PTPRN2: variants seen among roughly 807,000 people sequenced by gnomAD.
PTPRN2 encodes protein tyrosine phosphatase receptor type N2.
Under a neutral mutation model 118.8 loss-of-function variants are expected in PTPRN2, and 74 were observed. The observed-to-expected ratio is 0.62, with a 90% CI of 0.52 to 0.76. The LOEUF (loss-of-function observed/expected upper bound fraction) is 0.76. Ranked by LOEUF, PTPRN2 falls within the 30% of genes least tolerant of loss-of-function variation. The probability of loss-of-function intolerance (pLI) is 0.00; values close to 1 mark genes in which losing one functional copy is unlikely to be tolerated. For synonymous variants in PTPRN2, 641 were observed against 608.0 expected, an observed-to-expected ratio of 1.05 and a Z score of -0.80; for missense variants, 1,481 against 1,394.4, an observed-to-expected ratio of 1.06 and a Z score of -0.99.
Position 157,704,513 on chromosome 7 carries a change from G to A in PTPRN2, c.1789-21576C>T, listed in dbSNP as rs139893612. 3.7e-3 allele frequency among the ~76,000 whole-genome samples: 557 copies of A among 152,300 alleles called. 6 individuals carry two copies. Among genetic ancestry groups the A allele is most frequent in the African/African-American group, 0.013 (527 of 41,568 alleles). ...CACGTGTGTGTGCTTGGGAATGGAGGGCCTGAAGGTCCCACCCTCGGCTGG... is the reference window on the plus strand; with the variant it reads ...CACGTGTGTGTGCTTGGGAATGGAGAGCCTGAAGGTCCCACCCTCGGCTGG... On this transcript the variant is annotated intron_variant, in intron 12 of 22. Coordinates refer to ENST00000389418, the MANE Select transcript of PTPRN2 (RefSeq NM_002847.5).
intron 11 of PTPRN2, among the ~76,000 whole-genome samples, chr7:158,064,451 T>TGGGGGAGCC (rs925405628): frequency 2.6e-5 from 4 of 152,052 alleles, no homozygotes; most frequent in South Asian, 2.1e-4. Flanking sequence ...GTCACAGCCA[T>TGGGGGAGCC]GGGGGAGCCG....
At chr7:158,440,919 A>G (rs1228404003) in intron 2 of PTPRN2, among the ~76,000 whole-genome samples, 4 of 112,608 alleles carry the variant, frequency 3.6e-5, no homozygotes, top group African/African-American at 3.9e-5. Flanking sequence ...TGATGATGGT[A>G]GTGATAGTGG....
rs1211525940 is a variant in PTPRN2 at position 157,986,829 on chromosome 7, T to G, written c.1724-88092A>C. Among the ~76,000 whole-genome samples, 1 of 152,080 alleles carries G rather than the reference T, an allele frequency of 6.6e-6. No homozygotes were observed. The highest frequency in any genetic ancestry group is 6.5e-5 in the Admixed American group (1 of 15,278). On this transcript the variant is annotated intron_variant, in intron 11 of 22. Coordinates refer to ENST00000389418, the MANE Select transcript of PTPRN2 (RefSeq NM_002847.5). The surrounding 1 kb of genome is among the most constrained non-coding windows in gnomAD (Gnocchi z 4.5). ...GAGCAGGTGGTCGGTGCCCACCCAC[T>G]GACAGGAGCTGCCGGTTTCTGACCC...
At position 157,952,265 on chromosome 7, in the gene PTPRN2, G is replaced by A. The variant is rs1800861555; in HGVS notation, c.1724-53528C>T. On this transcript the variant is annotated intron_variant, in intron 11 of 22. Transcript: ENST00000389418. ...AACCCCGCAGGACAACTTAGGAGGA[G>A]TGAAGAGTGGAAGAGTGCCCGGTGC... Among the ~76,000 whole-genome samples the A allele has an allele frequency of 2.0e-5, 3 of 152,158 alleles. No homozygotes were observed. The South Asian group carries it at 6.2e-4, about 32-fold the overall frequency.
At chr7:158,127,535 C>T (rs150302715) in intron 9 of PTPRN2, among the ~76,000 whole-genome samples, 335 of 152,322 alleles carry the variant, frequency 2.2e-3, no homozygotes, top group African/African-American at 7.6e-3. Flanking sequence ...GCCCAGGCCA[C>T]CTTCTCCAAC....
intron 2 of PTPRN2, among the ~76,000 whole-genome samples, chr7:158,474,678 G>A (rs1820115124): frequency 6.6e-6 from 1 of 151,984 alleles, no homozygotes; most frequent in South Asian, 2.1e-4. Context: ...GCCCGTCTGA[G>A]AGGGACCCTT....
chr7:157,888,345 A>G (rs886246308), intron 12 of PTPRN2, among the ~76,000 whole-genome samples: 3 of 152,116 alleles, frequency 2.0e-5, no homozygotes, highest in African/African-American at 7.2e-5. Context: ...CAGGCTTTTT[A>G]GATCCACTGT....
chr7:157,875,016 CACACAG>C (rs1478064424), intron 12 of PTPRN2, among the ~76,000 whole-genome samples: 1 of 95,492 alleles, frequency 1.0e-5, no homozygotes, highest in Non-Finnish European at 2.4e-5. Flanking sequence ...TGCACACAGA[CACACAG>C]ACACACGCAG....
At chr7:157,552,114 C>G (rs756240904) in intron 21 of PTPRN2, among the ~76,000 whole-genome samples, 19 of 150,964 alleles carry the variant, frequency 1.3e-4, no homozygotes, top group Non-Finnish European at 2.8e-4. Context: ...CCACTGCACA[C>G]CCTGTGGTCA....
chr7:157,932,550 T>G (rs577169474), intron 11 of PTPRN2, among the ~76,000 whole-genome samples: 1 of 151,788 alleles, frequency 6.6e-6, no homozygotes, highest in African/African-American at 2.4e-5. Flanking sequence ...TCAGTCTGAT[T>G]GACAGTTTTA....
In PTPRN2 at chr7:158,373,235, A is replaced by G. The variant is rs1031563389; in HGVS notation, c.164-56303T>C. ...CTGCGGAATCGCATTATGGAAATAG[A>G]GTGCCAAATGGATGCCTTGACCTCG... On this transcript the variant is annotated intron_variant, in intron 2 of 22. Coordinates refer to ENST00000389418, the MANE Select transcript of PTPRN2 (RefSeq NM_002847.5). 2.0e-5 allele frequency among the ~76,000 whole-genome samples: 3 copies of G among 152,370 alleles called. No individual in the cohort carries two copies. The East Asian group carries it at 5.8e-4, about 29-fold the overall frequency.
At chr7:158,503,925 C>A (rs971274801) in intron 1 of PTPRN2, among the ~76,000 whole-genome samples, 1 of 150,580 alleles carries the variant, frequency 6.6e-6, no homozygotes, top group Non-Finnish European at 1.5e-5. Context: ...CGCTTGAACC[C>A]GGGAGTCGGA....
Position 158,587,777 on chromosome 7 carries a change from C to T in PTPRN2, c.-108G>A. The T allele has an allele frequency of 1.6e-5, 16 of 1,004,828 alleles. No homozygotes were observed. The highest frequency in any genetic ancestry group is 1.9e-5 in the Non-Finnish European group (16 of 840,392). 62.2% of individuals were successfully genotyped at this position (1,004,828 alleles called of 1,614,324 possible). A position where few individuals can be genotyped will look rare whatever the true frequency, so the allele number is the denominator to read the frequency against. On this transcript the variant is annotated 5_prime_UTR_variant, in exon 1 of 23. Transcript: ENST00000389418. The stretch of plus-strand genomic sequence containing the variant: ...CGCGCCGCCGGCTCCTCCCGCCGCG[C>T]CTCTCGCGCTCTTGCGGCGACGCCG...
At chr7:158,581,434 G>A (rs574284977) in intron 1 of PTPRN2, among the ~76,000 whole-genome samples, 5 of 152,242 alleles carry the variant, frequency 3.3e-5, no homozygotes, top group Non-Finnish European at 5.9e-5. Flanking sequence ...AAGTTTTGGG[G>A]GTGATGGAAT....
At chr7:157,938,144 G>GC (rs59808177) in intron 11 of PTPRN2, among the ~76,000 whole-genome samples, 5 of 152,154 alleles carry the variant, frequency 3.3e-5, no homozygotes, top group African/African-American at 1.2e-4. Context: ...CTCGAAGTGG[G>GC]CCCCCCGCAT....
intron 12 of PTPRN2, among the ~76,000 whole-genome samples, chr7:157,748,704 T>C (rs1420176727): frequency 1.3e-4 from 15 of 112,276 alleles, no homozygotes; most frequent in East Asian, 9.6e-4. Context: ...TGTGGGCTGT[T>C]GAGGTGATTC....
At chr7:157,829,114 G>A (rs1393751773) in intron 12 of PTPRN2, among the ~76,000 whole-genome samples, 1 of 152,276 alleles carries the variant, frequency 6.6e-6, no homozygotes, top group African/African-American at 2.4e-5. Context: ...CGTGAGCCGT[G>A]AGCTTTGATT....
At chr7:158,211,668 A>G (rs1827613006) in intron 3 of PTPRN2, among the ~76,000 whole-genome samples, 1 of 152,240 alleles carries the variant, frequency 6.6e-6, no homozygotes, top group Non-Finnish European at 1.5e-5. Context: ...ACAATGAGAT[A>G]TCATCTCACC....
chr7:157,893,209 G>A lies in PTPRN2; in HGVS notation c.1788+5464C>T, dbSNP rs577604585. Among the ~76,000 whole-genome samples the A allele has an allele frequency of 4.6e-5, 7 of 152,312 alleles. No homozygotes were observed. In the South Asian group the frequency reaches 6.2e-4, roughly 14 times the overall value. On this transcript the variant is annotated intron_variant, in intron 12 of 22. Transcript: ENST00000389418. This position sits in a 1 kb window ranked among gnomAD's most constrained non-coding sequence, Gnocchi z 4.0. ...CAGTGGGTGAAATAAACACTCTAGC[G>A]TTTGGTAATTTTCTGTCCCAGGGAT...
Sources: gnomAD v4.1 joint callset for allele counts (sites outside exome capture counted in the v4.1 genomes callset) on GRCh38, gnomAD v4.1.1 for gene constraint, Gnocchi (gnomAD v3.1) non-coding constraint, MANE v1.5 for transcripts, NCBI Gene and HGNC (gene_info 2026-07-23, HGNC 2026-07-21) for gene names.